Variants in CDH2 observed in about 807,000 individuals in gnomAD.
CDH2 encodes cadherin 2.
A neutral mutation model predicts 92.0 loss-of-function variants in CDH2; 17 were observed. The ratio of observed to expected loss-of-function variants is 0.18; its 90% CI spans 0.13 to 0.28. The LOEUF is 0.28. CDH2 is among the 10% of genes least tolerant of loss of function. The pLI is 1.00. For synonymous variants in CDH2, 419 were observed against 415.9 expected, an observed-to-expected ratio of 1.01 and a Z score of -0.09; for missense variants, 862 against 1,133.1, an observed-to-expected ratio of 0.76 and a Z score of 3.44.
At chr18:27,963,224 A>G in intron 15 of CDH2, 133 bp downstream of exon 15, 1 of 717,346 alleles carries the variant, frequency 1.4e-6, no homozygotes. Context: ...CTTTCACACA[A>G]GATGAACTTC....
At chr18:28,018,078 G>A (rs1418495931) in intron 2 of CDH2, among the ~76,000 whole-genome samples, 2 of 151,334 alleles carry the variant, frequency 1.3e-5, no homozygotes, top group Non-Finnish European at 2.9e-5. Context: ...CAAAATTAAT[G>A]TACACAAATC....
chr18:28,026,059 T>C (rs1246204857), intron 2 of CDH2, among the ~76,000 whole-genome samples: 1 of 152,170 alleles, frequency 6.6e-6, no homozygotes, highest in Non-Finnish European at 1.5e-5. Context: ...GTCAATGCTT[T>C]ATGAAAAGCT....
intron 2 of CDH2, among the ~76,000 whole-genome samples, chr18:28,019,322 TGAA>T (rs2013342650): frequency 8.3e-6 from 1 of 121,058 alleles, no homozygotes; most frequent in Non-Finnish European, 1.8e-5. Context: ...AAACAAGAAA[TGAA>T]GAAAGAAGAA....
intron 2 of CDH2, among the ~76,000 whole-genome samples, chr18:28,024,047 A>G (rs544646147): frequency 6.7e-6 from 1 of 149,948 alleles, no homozygotes; most frequent in African/African-American, 2.4e-5. Flanking sequence ...AGTGCTGTAT[A>G]TAATCTCATA....
chr18:28,084,191 A>G (rs45439794), intron 2 of CDH2, among the ~76,000 whole-genome samples: 1 of 152,286 alleles, frequency 6.6e-6, no homozygotes, highest in African/African-American at 2.4e-5. Context: ...ATAATCACTC[A>G]GGCAGTGCGT....
At chr18:28,006,475 TGGGAGGCCAA>T (rs1194184147) in intron 5 of CDH2, among the ~76,000 whole-genome samples, 4 of 151,484 alleles carry the variant, frequency 2.6e-5, no homozygotes, top group Admixed American at 6.6e-5. Context: ...CCCAGCACAT[TGGGAGGCCAA>T]GGAGGGCGGA....
At chr18:28,059,159 C>T (rs148395945) in intron 2 of CDH2, among the ~76,000 whole-genome samples, 2 of 152,286 alleles carry the variant, frequency 1.3e-5, no homozygotes, top group East Asian at 3.9e-4. Context: ...AACCATCAAA[C>T]ACCAAATGGT....
intron 2 of CDH2, among the ~76,000 whole-genome samples, chr18:28,081,670 A>G (rs1599085851): frequency 6.6e-6 from 1 of 152,198 alleles, no homozygotes; most frequent in Non-Finnish European, 1.5e-5. Context: ...ATAAAATACC[A>G]TCTGGCTTCA....
intron 2 of CDH2, among the ~76,000 whole-genome samples, chr18:28,048,900 A>G (rs978438881): frequency 2.0e-5 from 3 of 152,092 alleles, no homozygotes; most frequent in African/African-American, 7.2e-5. Context: ...GCATGAAAAA[A>G]GAAAAGAAAA....
chr18:27,982,938 G>A lies in CDH2; in HGVS notation c.2349+6C>T, dbSNP rs2012104971. 1.9e-6 allele frequency: 3 copies of A among 1,582,022 alleles called. No individual in the cohort carries two copies. Among genetic ancestry groups the A allele is most frequent in the Admixed American group, 3.5e-5 (2 of 57,272 alleles). On this transcript the variant is annotated splice_donor_region_variant and intron_variant, in intron 14 of 15. Transcript: ENST00000269141. ...TTTATTTTTAAAGATTTAAAGCACT[G>A]CTCACCTGGTCTTCTTCTCCTCCAC...
intron 2 of CDH2, among the ~76,000 whole-genome samples, chr18:28,094,667 G>A (rs12454769): frequency 0.12 from 18,146 of 151,378 alleles, 1,427 homozygotes; most frequent in Admixed American, 0.18. Context: ...GGTGGCGGGC[G>A]CCTGTAGTCC....
At chr18:28,072,407 C>G (rs1035230539) in intron 2 of CDH2, among the ~76,000 whole-genome samples, 6 of 152,154 alleles carry the variant, frequency 3.9e-5, no homozygotes, top group African/African-American at 1.2e-4. Context: ...TGCCTCCTAT[C>G]CCCTTCGACA....
chr18:27,963,265 T>C lies in CDH2; in HGVS notation c.2514+92A>G, dbSNP rs142539541. 2.2e-4 allele frequency: 257 copies of C among 1,148,546 alleles called. No individual in the cohort carries two copies. In the Middle Eastern group the frequency reaches 2.3e-3, roughly 10 times the overall value. 71.1% of individuals were successfully genotyped at this position (1,148,546 alleles called of 1,614,324 possible). On this transcript the variant is annotated intron_variant, in intron 15 of 15. Transcript: ENST00000269141. ...CACAAGTATGTTTTAGTGAACTATA[T>C]AGCTGTATTCCAAGCAATTTGTGGC...
chr18:28,008,426 C>T lies in CDH2; in HGVS notation c.702+1291G>A, dbSNP rs768761987. Among the ~76,000 whole-genome samples the T allele has an allele frequency of 9.7e-4, 148 of 152,142 alleles. 2 individuals are homozygous for T. The highest frequency in any genetic ancestry group is 2.9e-4 in the Non-Finnish European group (20 of 68,026). On this transcript the variant is annotated intron_variant, in intron 5 of 15. Transcript: ENST00000269141. ...TGGGAAGAGAAAGTATAGAGCAATA[C>T]TCAGTGCATAAGACATTTTAAATTT...
chr18:28,049,775 T>G (rs565676468), intron 2 of CDH2, among the ~76,000 whole-genome samples: 3 of 152,360 alleles, frequency 2.0e-5, no homozygotes, highest in Admixed American at 6.5e-5. Context: ...TTAACCCGTA[T>G]GCAACTAATA....
At position 27,985,540 on chromosome 18, in the gene CDH2, T is replaced by C; in HGVS notation, c.1963A>G (p.Thr655Ala). Residue 655 changes from threonine (T) to alanine (A), a missense_variant, in exon 12 of 16, where the codon ACT becomes GCT. Around this residue, in one of 5 missense-constraint regions of CDH2, gnomAD observed 564 missense variants for 722.2 expected, o/e 0.78. Coordinates refer to ENST00000269141, the MANE Select transcript of CDH2 (RefSeq NM_001792.5). ...PVTIKRNWTI[T>A]RLNGDFAQLN... ...AACCTGTTCTTACCATTAAGCCGAG[T>C]GATGGTCCAATTTCTCTTAATAGTC... 2 of 1,607,736 alleles carry C rather than the reference T, an allele frequency of 1.2e-6. No homozygotes were observed. Among genetic ancestry groups the C allele is most frequent in the East Asian group, 2.2e-5 (1 of 44,826 alleles).
intron 2 of CDH2, among the ~76,000 whole-genome samples, chr18:28,061,603 C>A (rs888104392): frequency 6.6e-6 from 1 of 152,122 alleles, no homozygotes; most frequent in East Asian, 1.9e-4. Context: ...AGCACGACTC[C>A]GTCTCAAAAA....
chr18:28,062,126 C>T (rs2014415260), intron 2 of CDH2, among the ~76,000 whole-genome samples: 1 of 152,138 alleles, frequency 6.6e-6, no homozygotes, highest in East Asian at 1.9e-4. Context: ...ATTTGGTTTG[C>T]TCCAGTCTTT....
chr18:28,169,779 G>C (rs1016350017), intron 1 of CDH2, among the ~76,000 whole-genome samples: 1 of 152,068 alleles, frequency 6.6e-6, no homozygotes, highest in African/African-American at 2.4e-5. Context: ...TTTTTAAATA[G>C]CTCAAGCTGC....
Sources: gnomAD v4.1 joint callset for allele counts (sites outside exome capture counted in the v4.1 genomes callset) on GRCh38, gnomAD v4.1.1 for gene constraint, gnomAD v4.1.1 regional missense constraint, MANE v1.5 for transcripts, NCBI Gene and HGNC (gene_info 2026-07-23, HGNC 2026-07-21) for gene names.